KPNA1: variants seen among roughly 807,000 people sequenced by gnomAD.
KPNA1 encodes karyopherin subunit alpha 1.
KPNA1 carries 10 observed loss-of-function variants against 70.5 expected under a neutral mutation model. The observed-to-expected ratio is 0.14, with a 90% CI of 0.09 to 0.24. The LOEUF (loss-of-function observed/expected upper bound fraction) is 0.24. Among genes scored for constraint, KPNA1 ranks in the 10% least tolerant of loss-of-function variants. KPNA1 has a pLI of 1.00. For missense variants in KPNA1, 397 were observed against 637.9 expected (o/e 0.62, Z 4.07); for synonymous variants, 192 against 221.9 (o/e 0.87, Z 1.20).
chr3:122,466,564 G>A (rs1371299029), intron 3 of KPNA1, among the ~76,000 whole-genome samples: 1 of 151,882 alleles, frequency 6.6e-6, no homozygotes, highest in Non-Finnish European at 1.5e-5. Context: ...TACAAATAAA[G>A]CATGACTTTT....
intron 3 of KPNA1, among the ~76,000 whole-genome samples, chr3:122,466,036 T>G (rs1271787865): frequency 2.0e-5 from 3 of 152,156 alleles, no homozygotes; most frequent in Admixed American, 1.3e-4. Flanking sequence ...TAACACTCTC[T>G]TCTTAAAAAA....
chr3:122,473,053 C>A (rs1240455011), intron 2 of KPNA1, among the ~76,000 whole-genome samples: 14 of 152,054 alleles, frequency 9.2e-5, no homozygotes, highest in Admixed American at 9.2e-4. Flanking sequence ...TACACTTCAG[C>A]CTAGGTAACA....
intron 4 of KPNA1, 75 bp downstream of exon 4, chr3:122,463,843 AATACTCCAACACAAATTACCTGTG>A (rs1445878736): frequency 1.9e-6 from 1 of 526,750 alleles, no homozygotes; most frequent in African/African-American, 1.9e-5. Flanking sequence ...TATTGATAAA[AATACTCCAACACAAATTACCTGTG>A]GTATGAAAAA....
intron 4 of KPNA1, 97 bp from the exon 5 acceptor site, chr3:122,461,415 C>A: frequency 4.2e-6 from 3 of 721,348 alleles, no homozygotes; most frequent in South Asian, 3.4e-5. Flanking sequence ...CTCCATTTAC[C>A]ATCTCTCATG....
intron 9 of KPNA1, among the ~76,000 whole-genome samples, chr3:122,447,276 A>C (rs529471378): frequency 4.6e-5 from 7 of 152,338 alleles, no homozygotes; most frequent in Non-Finnish European, 1.0e-4. Context: ...ATCCTCAATA[A>C]AATACTGGCA....
chr3:122,474,246 C>T (rs2076473981), intron 2 of KPNA1, among the ~76,000 whole-genome samples: 1 of 152,094 alleles, frequency 6.6e-6, no homozygotes, highest in South Asian at 2.1e-4. Context: ...TAAAGAAAGA[C>T]TCAACATTGG....
At chr3:122,496,285 A>G (rs2076759574) in intron 2 of KPNA1, 152 bp downstream of exon 2, 1 of 585,388 alleles carries the variant, frequency 1.7e-6, no homozygotes, top group South Asian at 2.3e-5. Flanking sequence ...TCCCCACTCC[A>G]AAAAAGTGTT....
At chr3:122,498,341 C>A (rs2076786950) in intron 1 of KPNA1, among the ~76,000 whole-genome samples, 1 of 152,182 alleles carries the variant, frequency 6.6e-6, no homozygotes. Context: ...GCTCCTTCAG[C>A]CATGTGAGGA....
chr3:122,468,496 C>T (rs1560038300), intron 2 of KPNA1, among the ~76,000 whole-genome samples: 1 of 152,144 alleles, frequency 6.6e-6, no homozygotes, highest in Non-Finnish European at 1.5e-5. Context: ...ACCAAAACCA[C>T]CTACCAAAGG....
At chr3:122,456,871 C>A (rs1049907431) in intron 5 of KPNA1, among the ~76,000 whole-genome samples, 1 of 152,126 alleles carries the variant, frequency 6.6e-6, no homozygotes, top group Admixed American at 6.5e-5. Flanking sequence ...GAAAATACAA[C>A]CATATTCATG....
At chr3:122,498,886 G>T (rs1452728388) in intron 1 of KPNA1, among the ~76,000 whole-genome samples, 1 of 152,142 alleles carries the variant, frequency 6.6e-6, no homozygotes, top group Non-Finnish European at 1.5e-5. Context: ...ATTTAAGATA[G>T]GAGCTCTATT....
At chr3:122,470,157 C>G (rs2076424632) in intron 2 of KPNA1, among the ~76,000 whole-genome samples, 1 of 152,082 alleles carries the variant, frequency 6.6e-6, no homozygotes, top group Non-Finnish European at 1.5e-5. Flanking sequence ...AAAATAGCAA[C>G]AATGCATTTG....
intron 1 of KPNA1, among the ~76,000 whole-genome samples, chr3:122,512,459 T>C (rs980415076): frequency 5.3e-5 from 8 of 152,256 alleles, no homozygotes; most frequent in African/African-American, 1.7e-4. Flanking sequence ...CGGTGGCTCA[T>C]GCCTGTAATC....
chr3:122,496,894 G>A (rs546263173), intron 1 of KPNA1, among the ~76,000 whole-genome samples: 4 of 152,184 alleles, frequency 2.6e-5, no homozygotes, highest in Admixed American at 1.3e-4. Context: ...TGTAGAGACA[G>A]GGTCTGATCA....
rs1331434999 is a variant in KPNA1, at chr3:122,426,667, CAAG to C, written c.*315_*317del. ...GGAGGAGTCCTCTTTTATTCCCCCA[CAAG>C]AAAAAGGGAGCCACATTAATATGTG... On this transcript the variant is annotated 3_prime_UTR_variant, in exon 14 of 14. Coordinates refer to ENST00000344337, the MANE Select transcript of KPNA1 (RefSeq NM_002264.4). 9.0e-6 allele frequency: 2 copies of C among 222,656 alleles called. No homozygotes were observed. Among genetic ancestry groups the C allele is most frequent in the Non-Finnish European group, 1.7e-5 (2 of 114,482 alleles). 13.8% of individuals were successfully genotyped at this position (222,656 alleles called of 1,614,324 possible).
At chr3:122,484,966 T>C (rs1459368791) in intron 2 of KPNA1, among the ~76,000 whole-genome samples, 1 of 152,196 alleles carries the variant, frequency 6.6e-6, no homozygotes, top group African/African-American at 2.4e-5. Flanking sequence ...GGCACAATCA[T>C]ACCTCATTGC....
At chr3:122,457,830 T>A in intron 5 of KPNA1, 1 of 1,289,748 alleles carries the variant, frequency 7.8e-7, no homozygotes, top group Non-Finnish European at 1.0e-6. Flanking sequence ...CTCTGGTTCC[T>A]AGCAAATGCC....
intron 2 of KPNA1, among the ~76,000 whole-genome samples, chr3:122,492,333 T>C (rs982705655): frequency 9.2e-5 from 14 of 152,210 alleles, no homozygotes; most frequent in African/African-American, 2.4e-4. Flanking sequence ...TTATCTGCTA[T>C]GTAATCTTGG....
chr3:122,431,513 CAAG>C (rs758047660), intron 12 of KPNA1, among the ~76,000 whole-genome samples: 2 of 152,148 alleles, frequency 1.3e-5, no homozygotes, highest in Non-Finnish European at 2.9e-5. Context: ...GTATCTGCAA[CAAG>C]AAGCAGCAGA....
Sources: allele counts gnomAD v4.1 joint callset (sites outside exome capture counted in the v4.1 genomes callset), GRCh38; gene constraint gnomAD v4.1.1; transcripts MANE v1.5; gene names NCBI Gene and HGNC (gene_info 2026-07-23, HGNC 2026-07-21).